Variants in KNTC1 observed in about 807,000 individuals in gnomAD.
KNTC1 encodes kinetochore-associated protein 1.
A neutral mutation model predicts 314.4 loss-of-function variants in KNTC1; 253 were observed. The observed-to-expected ratio is 0.80, with a 90% CI of 0.73 to 0.89. The LOEUF (loss-of-function observed/expected upper bound fraction) is 0.89. Ranked by LOEUF, KNTC1 falls within the 40% of genes least tolerant of loss-of-function variation. The pLI is 0.00. For synonymous variants in KNTC1, 901 were observed against 901.4 expected, an observed-to-expected ratio of 1.00 and a Z score of 0.01; for missense variants, 2,475 against 2,572.9, an observed-to-expected ratio of 0.96 and a Z score of 0.82.
At position 122,604,272 on chromosome 12, in the gene KNTC1, G is replaced by A. The variant is rs982519490; in HGVS notation, c.5102-292G>A. On this transcript the variant is annotated intron_variant, in intron 48 of 63. Transcript: ENST00000333479. ...ACTGCAACCTCTGCCTCAGCCTCTC[G>A]AGTAGCTGGGACTACAGGCATGTGC... 2.7e-5 allele frequency among the ~76,000 whole-genome samples: 4 copies of A among 148,592 alleles called. No homozygotes were observed. The South Asian group carries it at 6.4e-4, about 24-fold the overall frequency.
rs867168472 is a variant in KNTC1 at position 122,528,500 on chromosome 12, C to T, written c.-74+1149C>T. ...CTGAAGCAGAAGGATTGCTTGAGCCCAGGAGATCAAGGCCAGCCAGGGCAA... is the reference window on the plus strand; with the variant it reads ...CTGAAGCAGAAGGATTGCTTGAGCCTAGGAGATCAAGGCCAGCCAGGGCAA... On this transcript the variant is annotated intron_variant, in intron 1 of 63. Coordinates refer to ENST00000333479, the MANE Select transcript of KNTC1 (RefSeq NM_014708.6). Among the ~76,000 whole-genome samples, 8 of 151,980 alleles carry T rather than the reference C, an allele frequency of 5.3e-5. No homozygotes were observed. The South Asian group carries it at 6.2e-4, about 12-fold the overall frequency.
rs992545819 is a variant in KNTC1 at position 122,557,656 on chromosome 12, C to T, written c.1455C>T (p.Thr485=). The T allele has an allele frequency of 2.5e-5, 40 of 1,613,188 alleles. No individual in the cohort carries two copies. Among genetic ancestry groups the T allele is most frequent in the Non-Finnish European group, 3.1e-5 (36 of 1,179,588 alleles). The change falls in exon 18 of 64, where the codon ACC becomes ACT. Residue 485 remains threonine, a synonymous_variant. Transcript: ENST00000333479. The part of the protein sequence containing the change: ...CLKAQWITYE[T]TQEMLNYAKT... ...AAGCTCAGTGGATAACCTATGAAACCACTCAAGAGATGCTGAATTATGCCA... is the reference window on the plus strand; with the variant it reads ...AAGCTCAGTGGATAACCTATGAAACTACTCAAGAGATGCTGAATTATGCCA...
At chr12:122,539,381 A>G (rs11058618) in intron 4 of KNTC1, among the ~76,000 whole-genome samples, 1 of 152,218 alleles carries the variant, frequency 6.6e-6, no homozygotes, top group African/African-American at 2.4e-5. Flanking sequence ...AGGTGTTACC[A>G]CAGCTTGGAT....
At chr12:122,546,797 C>A in intron 10 of KNTC1, 123 bp downstream of exon 10, 1 of 526,346 alleles carries the variant, frequency 1.9e-6, no homozygotes, top group Non-Finnish European at 3.3e-6. Flanking sequence ...TGCTTTTTTT[C>A]AGTATATGTA....
chr12:122,602,914 T>G (rs1391330130), intron 47 of KNTC1, 27 bp downstream of exon 47: 3 of 1,572,506 alleles, frequency 1.9e-6, no homozygotes, highest in Non-Finnish European at 2.6e-6. Context: ...TTGTAAGACA[T>G]TTCTGTATCC....
intron 10 of KNTC1, 133 bp downstream of exon 10, chr12:122,546,807 A>T: frequency 2.0e-6 from 1 of 498,570 alleles, no homozygotes; most frequent in Non-Finnish European, 3.5e-6. Context: ...CAGTATATGT[A>T]CCAAAAAGTT....
chr12:122,554,070 A>ATAT (rs1555224793), intron 16 of KNTC1, among the ~76,000 whole-genome samples: 5 of 69,156 alleles, frequency 7.2e-5, no homozygotes, highest in Admixed American at 1.4e-4. Context: ...TCCTTAAAAA[A>ATAT]AAAAAAATAT....
chr12:122,567,697 G>A (rs549017231), intron 20 of KNTC1, among the ~76,000 whole-genome samples: 2 of 152,096 alleles, frequency 1.3e-5, no homozygotes, highest in East Asian at 3.9e-4. Context: ...AATTAGCCAG[G>A]CATGGTGGTG....
At chr12:122,561,827 TA>T (rs1247954610) in intron 18 of KNTC1, 93 bp from the exon 19 acceptor site, 4 of 1,015,836 alleles carry the variant, frequency 3.9e-6, no homozygotes, top group Non-Finnish European at 5.8e-6. Context: ...GCAATTTATT[TA>T]AAAAAATTTT....
chr12:122,548,967 CA>C lies in KNTC1; in HGVS notation c.988-792del, dbSNP rs374255193. Among the ~76,000 whole-genome samples, 43 of 151,970 alleles carry C rather than the reference CA, an allele frequency of 2.8e-4. 1 individual carries two copies. In the East Asian group the frequency reaches 7.2e-3, roughly 25 times the overall value. On this transcript the variant is annotated intron_variant, in intron 12 of 63. Coordinates refer to ENST00000333479, the MANE Select transcript of KNTC1 (RefSeq NM_014708.6). ...GGGCAACAAAAGCGAAACTCCATCT[CA>C]AAAAAAGTAAAATAAAATAAGTCAT...
chr12:122,539,080 G>A (rs1962077998), intron 4 of KNTC1, among the ~76,000 whole-genome samples: 1 of 152,190 alleles, frequency 6.6e-6, no homozygotes, highest in Non-Finnish European at 1.5e-5. Flanking sequence ...AGGAATGCTA[G>A]AGTCCCACTT....
chr12:122,534,059 C>T (rs1217845543), intron 2 of KNTC1, among the ~76,000 whole-genome samples: 3 of 152,168 alleles, frequency 2.0e-5, no homozygotes, highest in Admixed American at 2.0e-4. Context: ...GTGGGAGGCT[C>T]TTGGCAACAG....
chr12:122,535,634 C>T (rs1045956478), intron 3 of KNTC1, among the ~76,000 whole-genome samples: 2 of 150,924 alleles, frequency 1.3e-5, no homozygotes, highest in Non-Finnish European at 3.0e-5. Flanking sequence ...CAGAGCAAAA[C>T]TCTGTCTCCA....
intron 53 of KNTC1, chr12:122,611,736 G>A (rs947681212): frequency 5.9e-5 from 9 of 152,200 alleles, no homozygotes; most frequent in Admixed American, 3.9e-4. Context: ...ATCTGAGGAC[G>A]CTCAAGTCTT....
At chr12:122,615,622 T>C in intron 57 of KNTC1, 96 bp downstream of exon 57, 2 of 1,198,382 alleles carry the variant, frequency 1.7e-6, no homozygotes, top group Non-Finnish European at 1.1e-6. Flanking sequence ...GTCAGCTCCT[T>C]CTTAAATAAC....
chr12:122,574,329 A>C lies in KNTC1; in HGVS notation c.2331A>C (p.Thr777=). 2 of 1,612,666 alleles carry C rather than the reference A, an allele frequency of 1.2e-6. No homozygotes were observed. Among genetic ancestry groups the C allele is most frequent in the Non-Finnish European group, 1.7e-6 (2 of 1,179,032 alleles). ...CAAAGTCCACATCACTCTTTGAAAC[A>C]GCATGGGAAGCAAAGGCCATGGCAG... ...CSSKSTSLFE[T]AWEAKAMAVI... is the part of the protein sequence containing the mutation. The change falls in exon 27 of 64, where the codon ACA becomes ACC. Residue 777 remains threonine, a synonymous_variant. Coordinates refer to ENST00000333479, the MANE Select transcript of KNTC1 (RefSeq NM_014708.6).
At position 122,562,676 on chromosome 12, in the gene KNTC1, A is replaced by G. The variant is rs368189507; in HGVS notation, c.1581A>G (p.Gly527=). ...RAHAKLTTFY[G]AFGPEKFSGS... is the part of the protein sequence containing the mutation. ...ATGCAAAATTGACTACTTTTTATGG[A>G]GCATTTGGACCAGAAAAATTCAGGT... Residue 527 remains glycine, a synonymous_variant, in exon 20 of 64, where the codon GGA becomes GGG. Transcript: ENST00000333479. 5.6e-6 allele frequency: 9 copies of G among 1,610,004 alleles called. No homozygotes were observed. In the African/African-American group the frequency reaches 1.2e-4, roughly 22 times the overall value.
At chr12:122,563,440 C>T (rs1361942326) in intron 20 of KNTC1, among the ~76,000 whole-genome samples, 4 of 152,084 alleles carry the variant, frequency 2.6e-5, no homozygotes. Context: ...CTGTATAATA[C>T]AAAACATTGT....
chr12:122,604,752 TTA>T, intron 49 of KNTC1, 115 bp downstream of exon 49: 1 of 1,221,710 alleles, frequency 8.2e-7, no homozygotes, highest in Non-Finnish European at 1.2e-6. Context: ...GACCAAGGCT[TTA>T]TGTAGATGCT....
Sources: gnomAD v4.1 joint callset for allele counts (sites outside exome capture counted in the v4.1 genomes callset) on GRCh38, gnomAD v4.1.1 for gene constraint, MANE v1.5 for transcripts, NCBI Gene and HGNC (gene_info 2026-07-23, HGNC 2026-07-21) for gene names.